The following KAZN variants were observed in gnomAD, a reference collection of about 807,000 sequenced individuals.
KAZN encodes the protein kazrin, periplakin interacting protein.
A neutral mutation model predicts 87.4 loss-of-function variants in KAZN; 40 were observed. The observed-to-expected ratio is 0.46, with a 90% CI of 0.36 to 0.60. The LOEUF (loss-of-function observed/expected upper bound fraction) is 0.60. Among genes scored for constraint, KAZN ranks in the 20% least tolerant of loss-of-function variants. The pLI, the probability that KAZN is intolerant of heterozygous loss-of-function variation, is 0.00. For missense variants in KAZN, 898 were observed against 1,073.9 expected (o/e 0.84, Z 2.29); for synonymous variants, 466 against 458.3 (o/e 1.02, Z -0.22).
intron 1 of KAZN, among the ~76,000 whole-genome samples, chr1:14,012,703 G>A (rs1384524588): frequency 1.3e-5 from 2 of 152,194 alleles, no homozygotes; most frequent in South Asian, 2.1e-4. Flanking sequence ...TACTTGGGAG[G>A]CTGAGGCACG....
At chr1:13,923,844 T>C (rs529685536) in intron 1 of KAZN, among the ~76,000 whole-genome samples, 17 of 152,284 alleles carry the variant, frequency 1.1e-4, no homozygotes, top group Middle Eastern at 6.8e-3. Flanking sequence ...GAGGGTCCAC[T>C]ATAGTTAAAT....
intron 1 of KAZN, among the ~76,000 whole-genome samples, chr1:14,000,613 T>C (rs2101141293): frequency 6.6e-6 from 1 of 152,282 alleles, no homozygotes. Context: ...GGGCAAAAGC[T>C]GGAAGCATCC....
chr1:14,895,045 A>C (rs1196909167), intron 1 of KAZN, among the ~76,000 whole-genome samples: 4 of 152,250 alleles, frequency 2.6e-5, no homozygotes, highest in African/African-American at 9.6e-5. Flanking sequence ...GCAGCACTCA[A>C]GGCTGAGTTT....
At chr1:14,760,325 T>A (rs1175580270) in intron 1 of KAZN, among the ~76,000 whole-genome samples, 2 of 152,244 alleles carry the variant, frequency 1.3e-5, no homozygotes, top group African/African-American at 4.8e-5. Flanking sequence ...AATTGTTTCA[T>A]TAACTTTTAT....
chr1:14,758,303 C>A (rs969652935), intron 1 of KAZN, among the ~76,000 whole-genome samples: 2 of 150,862 alleles, frequency 1.3e-5, no homozygotes, highest in African/African-American at 4.9e-5. Flanking sequence ...ACAGCTGAGA[C>A]TACAGGCACA....
At chr1:14,380,630 G>A (rs143691937) in intron 2 of KAZN, among the ~76,000 whole-genome samples, 3 of 152,114 alleles carry the variant, frequency 2.0e-5, no homozygotes, top group African/African-American at 7.2e-5. Flanking sequence ...GCAGAAATAA[G>A]TAATGAGGCT....
intron 1 of KAZN, among the ~76,000 whole-genome samples, chr1:14,719,944 C>T (rs988686020): frequency 2.7e-5 from 4 of 150,652 alleles, no homozygotes; most frequent in Non-Finnish European, 5.9e-5. Flanking sequence ...GTTTGGAAAA[C>T]AACAGGGGAA....
chr1:14,113,701 G>A (rs1311065389), intron 1 of KAZN, among the ~76,000 whole-genome samples: 3 of 152,188 alleles, frequency 2.0e-5, no homozygotes, highest in African/African-American at 4.8e-5. Flanking sequence ...TCCTGACCAC[G>A]GTGCTGGGGT....
At chr1:14,309,489 C>A (rs1280956767) in intron 2 of KAZN, among the ~76,000 whole-genome samples, 2 of 152,096 alleles carry the variant, frequency 1.3e-5, no homozygotes, top group African/African-American at 4.8e-5. Flanking sequence ...ATTACAGGGG[C>A]CTTGGAGGCC....
intron 2 of KAZN, among the ~76,000 whole-genome samples, chr1:14,373,052 G>A (rs978757415): frequency 6.6e-6 from 1 of 152,118 alleles, no homozygotes; most frequent in African/African-American, 2.4e-5. Context: ...GTAGGAGGTT[G>A]CCACGTGACC....
chr1:14,556,196 G>A (rs1041181632), intron 2 of KAZN, among the ~76,000 whole-genome samples: 4 of 149,312 alleles, frequency 2.7e-5, no homozygotes, highest in African/African-American at 9.9e-5. Flanking sequence ...TGCAAGCTCC[G>A]CCTCCTGGGT....
intron 2 of KAZN, among the ~76,000 whole-genome samples, chr1:14,486,234 T>C (rs1271698179): frequency 6.6e-6 from 1 of 152,184 alleles, no homozygotes; most frequent in Non-Finnish European, 1.5e-5. Context: ...TTAAAGACAT[T>C]AAGATTTCTA....
At chr1:14,962,964 A>T (rs1398824) in intron 2 of KAZN, among the ~76,000 whole-genome samples, 2 of 152,038 alleles carry the variant, frequency 1.3e-5, no homozygotes, top group East Asian at 3.9e-4. Context: ...TCCATTCCTG[A>T]TCTGAGTGAT....
chr1:14,189,046 G>A (rs573378659), intron 2 of KAZN, among the ~76,000 whole-genome samples: 3 of 152,202 alleles, frequency 2.0e-5, no homozygotes, highest in East Asian at 1.9e-4. Context: ...GCTAAGTGTC[G>A]TCATTTAAAT....
At chr1:15,004,837 T>G (rs1668840421) in intron 2 of KAZN, among the ~76,000 whole-genome samples, 1 of 152,146 alleles carries the variant, frequency 6.6e-6, no homozygotes, top group Non-Finnish European at 1.5e-5. Flanking sequence ...ATCTGTAAAG[T>G]GGGTATAATA....
chr1:14,258,195 A>ATTCTTTCT (rs201211061), intron 2 of KAZN, among the ~76,000 whole-genome samples: 7 of 142,412 alleles, frequency 4.9e-5, no homozygotes, highest in African/African-American at 1.1e-4. Flanking sequence ...ACATTTCAAG[A>ATTCTTTCT]TTCTTTCTTT....
At chr1:15,015,397 C>T (rs180735480) in intron 2 of KAZN, among the ~76,000 whole-genome samples, 76 of 152,268 alleles carry the variant, frequency 5.0e-4, no homozygotes, top group African/African-American at 1.6e-3. Context: ...GTGATCCTCC[C>T]GCCTCAGCCT....
At chr1:14,569,735 G>A (rs1042518362) in intron 2 of KAZN, among the ~76,000 whole-genome samples, 2 of 152,128 alleles carry the variant, frequency 1.3e-5, no homozygotes, top group South Asian at 2.1e-4. Context: ...TCATCAGCCA[G>A]GAGGGCATCC....
At chr1:15,109,526 A>G (rs1641413703) in intron 13 of KAZN, among the ~76,000 whole-genome samples, 1 of 152,234 alleles carries the variant, frequency 6.6e-6, no homozygotes, top group Non-Finnish European at 1.5e-5. Context: ...TGGCCACAGT[A>G]AGATGTAATT....
Sources: allele counts gnomAD v4.1 joint callset (sites outside exome capture counted in the v4.1 genomes callset), GRCh38; gene constraint gnomAD v4.1.1; transcripts MANE v1.5; gene names NCBI Gene and HGNC (gene_info 2026-07-23, HGNC 2026-07-21).